The following LPGAT1 variants were observed in gnomAD, a reference collection of about 807,000 sequenced individuals.
LPGAT1 encodes lysophosphatidylglycerol acyltransferase 1.
LPGAT1 carries 11 observed loss-of-function variants against 47.5 expected under a neutral mutation model. That is an observed-to-expected ratio of 0.23 (90% CI 0.15 to 0.38). The LOEUF is 0.38. LPGAT1 is among the 10% of genes least tolerant of loss of function. The pLI is 1.00. For missense variants in LPGAT1, 293 were observed against 439.0 expected, an observed-to-expected ratio of 0.67 and a Z score of 2.97; for synonymous variants, 138 against 144.2, an observed-to-expected ratio of 0.96 and a Z score of 0.31.
chr1:211,776,677 T>C (rs886865322), intron 6 of LPGAT1, among the ~76,000 whole-genome samples: 5 of 151,654 alleles, frequency 3.3e-5, no homozygotes, highest in African/African-American at 1.2e-4. Context: ...TTCTACATCA[T>C]GTGAAACAAA....
At chr1:211,761,307 C>A (rs1264951172) in intron 6 of LPGAT1, among the ~76,000 whole-genome samples, 6 of 152,164 alleles carry the variant, frequency 3.9e-5, no homozygotes, top group Admixed American at 3.9e-4. Flanking sequence ...TCATTAAAAA[C>A]CCATGTCAGA....
Position 211,751,067 on chromosome 1 carries a change from C to G in LPGAT1, c.855G>C (p.Arg285Ser). ...GGGGTACATCTTTAATTGGAAAGAT[C>G]CTATTAAGGGTTAGAAGAAAAGAAC... ...RKPTVTHVHY[R>S]IFPIKDVPLE... The change falls in exon 7 of 8, where the codon AGG becomes AGC. Residue 285 changes from arginine (R) to serine (S), a missense_variant and splice_region_variant. Coordinates refer to ENST00000366997, the MANE Select transcript of LPGAT1 (RefSeq NM_014873.3). 6.3e-7 allele frequency: 1 copy of G among 1,591,218 alleles called. No individual in the cohort carries two copies. Among genetic ancestry groups the G allele is most frequent in the Non-Finnish European group, 8.6e-7 (1 of 1,159,904 alleles).
At chr1:211,780,847 GTCAGC>G (rs1243562754) in intron 5 of LPGAT1, among the ~76,000 whole-genome samples, 10 of 152,016 alleles carry the variant, frequency 6.6e-5, no homozygotes, top group South Asian at 4.1e-4. Flanking sequence ...AATCTAGTTA[GTCAGC>G]TCACAGATAT....
intron 3 of LPGAT1, among the ~76,000 whole-genome samples, chr1:211,789,425 T>C (rs1436670076): frequency 6.6e-6 from 1 of 152,192 alleles, no homozygotes; most frequent in Non-Finnish European, 1.5e-5. Context: ...AACTATTTCC[T>C]GAGATTTGTA....
Position 211,751,060 on chromosome 1 carries a change from G to C in LPGAT1, c.862C>G (p.Pro288Ala). 6.2e-7 allele frequency: 1 copy of C among 1,604,422 alleles called. No individual in the cohort carries two copies. The highest frequency in any genetic ancestry group is 8.5e-7 in the Non-Finnish European group (1 of 1,171,860). ...TVTHVHYRIF[P>A]IKDVPLETDD... ...GTCTCCAGGGGTACATCTTTAATTGGAAAGATCCTATTAAGGGTTAGAAGA... is the reference window on the plus strand; with the variant it reads ...GTCTCCAGGGGTACATCTTTAATTGCAAAGATCCTATTAAGGGTTAGAAGA... Residue 288 changes from proline (P) to alanine (A), a missense_variant, in exon 7 of 8, where the codon CCA becomes GCA. Physicochemically the swap from Pro to Ala is conservative, Grantham distance 27. Coordinates refer to ENST00000366997, the MANE Select transcript of LPGAT1 (RefSeq NM_014873.3).
rs548291206 is a variant in LPGAT1 at position 211,808,254 on chromosome 1, A to G, written c.239-15064T>C. On this transcript the variant is annotated intron_variant, in intron 2 of 7. Transcript: ENST00000366997. ...CAGCTACTCAGGAGGCTGAGGCAGG[A>G]GAATCACTTGAACCCGGGCAGGGTT... 7.9e-5 allele frequency among the ~76,000 whole-genome samples: 12 copies of G among 151,932 alleles called. No individual in the cohort carries two copies. The South Asian group carries it at 2.3e-3, about 29-fold the overall frequency.
At chr1:211,777,729 C>A (rs1658463568) in intron 6 of LPGAT1, among the ~76,000 whole-genome samples, 1 of 152,158 alleles carries the variant, frequency 6.6e-6, no homozygotes, top group Non-Finnish European at 1.5e-5. Context: ...AATTCAATTT[C>A]TATCACAGGT....
At chr1:211,819,157 C>G (rs1030160599) in intron 2 of LPGAT1, among the ~76,000 whole-genome samples, 1 of 152,104 alleles carries the variant, frequency 6.6e-6, no homozygotes, top group East Asian at 1.9e-4. Flanking sequence ...GAAAAAACTG[C>G]GCAAAACTGC....
At chr1:211,808,278 T>G (rs1051254318) in intron 2 of LPGAT1, among the ~76,000 whole-genome samples, 4 of 149,922 alleles carry the variant, frequency 2.7e-5, no homozygotes, top group African/African-American at 9.8e-5. Flanking sequence ...CCGGGCAGGG[T>G]TGTGGAAATT....
chr1:211,788,791 G>C (rs1406270694), intron 3 of LPGAT1, among the ~76,000 whole-genome samples: 1 of 152,082 alleles, frequency 6.6e-6, no homozygotes, highest in Non-Finnish European at 1.5e-5. Context: ...TAACTAAAGT[G>C]AAAGCTACAA....
At chr1:211,767,814 T>A (rs976180366) in intron 6 of LPGAT1, among the ~76,000 whole-genome samples, 1 of 152,112 alleles carries the variant, frequency 6.6e-6, no homozygotes, top group African/African-American at 2.4e-5. Flanking sequence ...TTCCTTCTAC[T>A]GGGGAAAAAA....
intron 6 of LPGAT1, among the ~76,000 whole-genome samples, chr1:211,765,760 A>G (rs889377698): frequency 2.0e-5 from 3 of 152,114 alleles, no homozygotes; most frequent in Admixed American, 6.5e-5. Flanking sequence ...TTTGTCTGTT[A>G]TTATTTTAGT....
chr1:211,744,089 T>C lies in LPGAT1; in HGVS notation c.*5810A>G, dbSNP rs1236982869. On this transcript the variant is annotated 3_prime_UTR_variant, in exon 8 of 8. Coordinates refer to ENST00000366997, the MANE Select transcript of LPGAT1 (RefSeq NM_014873.3). Reference sequence around the variant, plus strand: ...CTGTCACATTCTTCTAAATCAAAAGTTCGCTGTGTAGGACTGACATTAATG... The same window carrying C: ...CTGTCACATTCTTCTAAATCAAAAGCTCGCTGTGTAGGACTGACATTAATG... The C allele has an allele frequency of 6.6e-6, 1 of 152,190 alleles. No individual in the cohort carries two copies. Among genetic ancestry groups the C allele is most frequent in the Non-Finnish European group, 1.5e-5 (1 of 68,026 alleles). 9.4% of individuals were successfully genotyped at this position (152,190 alleles called of 1,614,324 possible).
chr1:211,750,729 T>C (rs1004744810), intron 7 of LPGAT1, among the ~76,000 whole-genome samples: 53 of 152,358 alleles, frequency 3.5e-4, no homozygotes, highest in African/African-American at 1.2e-3. Context: ...GATAACTTCA[T>C]ACAGCAATAT....
At chr1:211,788,178 T>C (rs1037463281) in intron 3 of LPGAT1, among the ~76,000 whole-genome samples, 29 of 152,208 alleles carry the variant, frequency 1.9e-4, no homozygotes, top group African/African-American at 6.5e-4. Context: ...TATAAAAATG[T>C]AGTGTCCCAA....
chr1:211,821,768 T>C (rs985178937), intron 2 of LPGAT1, among the ~76,000 whole-genome samples: 3 of 152,180 alleles, frequency 2.0e-5, no homozygotes, highest in Non-Finnish European at 4.4e-5. Flanking sequence ...GAATGGTTAC[T>C]ATCAATAGAG....
rs11345690 is a variant in LPGAT1 at position 211,822,777 on chromosome 1, CAA to C, written c.238+6280_238+6281del. 3.6e-3 allele frequency among the ~76,000 whole-genome samples: 512 copies of C among 141,238 alleles called. 1 individual carries two copies. Among genetic ancestry groups the C allele is most frequent in the Middle Eastern group, 3.6e-3 (1 of 280 alleles). 92.7% of individuals were successfully genotyped at this position (141,238 alleles called of 152,430 possible). A position where few individuals can be genotyped will look rare whatever the true frequency, so the allele number is the denominator to read the frequency against. Reference sequence around the variant, plus strand: ...TGGGTGACAGAGCAAGACTTCATCTCAAAAAAAAAAAAAAAATCAGTTGTCAA... The same window carrying C: ...TGGGTGACAGAGCAAGACTTCATCTCAAAAAAAAAAAAAATCAGTTGTCAA... On this transcript the variant is annotated intron_variant, in intron 2 of 7. Coordinates refer to ENST00000366997, the MANE Select transcript of LPGAT1 (RefSeq NM_014873.3).
chr1:211,787,938 A>G (rs1030434285), intron 3 of LPGAT1, among the ~76,000 whole-genome samples: 1 of 152,242 alleles, frequency 6.6e-6, no homozygotes, highest in Non-Finnish European at 1.5e-5. Context: ...TCGAATCCTA[A>G]GTCACAGGTA....
intron 2 of LPGAT1, among the ~76,000 whole-genome samples, chr1:211,802,424 G>A (rs1157534017): frequency 4.6e-5 from 7 of 151,750 alleles, no homozygotes; most frequent in African/African-American, 1.7e-4. Context: ...GGAAACAGAG[G>A]CATTACACAA....
Sources: allele counts gnomAD v4.1 joint callset (sites outside exome capture counted in the v4.1 genomes callset), GRCh38; gene constraint gnomAD v4.1.1; transcripts MANE v1.5; gene names NCBI Gene and HGNC (gene_info 2026-07-23, HGNC 2026-07-21).